TRABD2B: variants seen among roughly 807,000 people sequenced by gnomAD.
The protein encoded by TRABD2B is metalloprotease TIKI2.
TRABD2B carries 14 observed loss-of-function variants against 40.1 expected under a neutral mutation model. That is an observed-to-expected ratio of 0.35 (90% CI 0.23 to 0.55). The LOEUF is 0.55. TRABD2B is among the 20% of genes least tolerant of loss of function. The probability of loss-of-function intolerance (pLI) is 0.90; values close to 1 mark genes in which losing one functional copy is unlikely to be tolerated. For missense variants in TRABD2B, 541 were observed against 648.6 expected (o/e 0.83, Z 1.80); for synonymous variants, 263 against 277.0 (o/e 0.95, Z 0.50).
intron 2 of TRABD2B, among the ~76,000 whole-genome samples, chr1:47,919,923 G>A (rs1165731092): frequency 6.6e-6 from 1 of 152,246 alleles, no homozygotes; most frequent in Non-Finnish European, 1.5e-5. Flanking sequence ...GCTCCTGGAT[G>A]TCGCACTGAG....
At chr1:47,909,559 AAGGAGGAGGAGGAGGAGGAGGAGG>A (rs71056647) in intron 2 of TRABD2B, among the ~76,000 whole-genome samples, 2 of 117,352 alleles carry the variant, frequency 1.7e-5, no homozygotes, top group African/African-American at 3.4e-5. Flanking sequence ...AAGAAGGAAG[AAGGAGGAGGAGGAGGAGGAGGAGG>A]AGGAGGAGGA....
intron 2 of TRABD2B, among the ~76,000 whole-genome samples, chr1:47,817,095 G>T (rs1645043053): frequency 6.6e-6 from 1 of 152,160 alleles, no homozygotes. Context: ...ATGGAGGAAG[G>T]AAGTGGGAAG....
intron 2 of TRABD2B, among the ~76,000 whole-genome samples, chr1:47,967,364 C>T (rs890027827): frequency 1.4e-5 from 2 of 147,494 alleles, no homozygotes; most frequent in East Asian, 2.0e-4. Flanking sequence ...CACACACACA[C>T]ACACACACAG....
At chr1:47,775,935 CTCTGGGGCGTA>C (rs1322213321) in intron 5 of TRABD2B, among the ~76,000 whole-genome samples, 1 of 152,008 alleles carries the variant, frequency 6.6e-6, no homozygotes, top group Non-Finnish European at 1.5e-5. Flanking sequence ...CTGGGTACGT[CTCTGGGGCGTA>C]TCTGAGCTTG....
At chr1:47,781,862 C>G (rs1400296222) in intron 4 of TRABD2B, among the ~76,000 whole-genome samples, 1 of 152,216 alleles carries the variant, frequency 6.6e-6, no homozygotes, top group Non-Finnish European at 1.5e-5. Context: ...CACCCCACAG[C>G]TGGGTTGGCA....
rs190663205 is a variant in TRABD2B, at chr1:47,960,417, G to A, written c.666+33617C>T. Among the ~76,000 whole-genome samples the A allele has an allele frequency of 6.2e-3, 940 of 152,286 alleles. 10 individuals are homozygous for A. Among genetic ancestry groups the A allele is most frequent in the Non-Finnish European group, 8.3e-3 (566 of 68,028 alleles). On this transcript the variant is annotated intron_variant, in intron 2 of 6. Coordinates refer to ENST00000606738, the MANE Select transcript of TRABD2B (RefSeq NM_001194986.2). ...GGGGATTCAATTAGGAAAAGAGGAA[G>A]TCAAATTGTCCATGTTTGCAGATGA...
chr1:47,831,068 T>C (rs1334969206), intron 2 of TRABD2B, among the ~76,000 whole-genome samples: 2 of 10,866 alleles, frequency 1.8e-4, no homozygotes, highest in Non-Finnish European at 8.6e-4. Flanking sequence ...ATTCTGTCCT[T>C]GGTTGCCACG....
intron 2 of TRABD2B, among the ~76,000 whole-genome samples, chr1:47,969,667 C>T (rs1645652740): frequency 6.6e-6 from 1 of 152,132 alleles, no homozygotes; most frequent in African/African-American, 2.4e-5. Flanking sequence ...TGATCGAAGG[C>T]GTAGACACAA....
chr1:47,771,857 G>T (rs751054091), intron 6 of TRABD2B, among the ~76,000 whole-genome samples: 1 of 152,172 alleles, frequency 6.6e-6, no homozygotes, highest in Non-Finnish European at 1.5e-5. Flanking sequence ...CCGGTAATGA[G>T]GGGCAAGGGG....
Position 47,982,693 on chromosome 1 carries a change from G to A in TRABD2B, c.666+11341C>T, listed in dbSNP as rs115839320. ...ACCAAATAGCAATGGCTCTCTTAGG[G>A]GCTGGATAGGAAACAGGAAGAATAA... On this transcript the variant is annotated intron_variant, in intron 2 of 6. Transcript: ENST00000606738. 9.5e-3 allele frequency among the ~76,000 whole-genome samples: 1,451 copies of A among 152,270 alleles called. 34 individuals are homozygous for A. The highest frequency in any genetic ancestry group is 0.034 in the African/African-American group (1,395 of 41,542).
chr1:47,806,126 G>T (rs1001505144), intron 2 of TRABD2B, among the ~76,000 whole-genome samples: 1 of 152,216 alleles, frequency 6.6e-6, no homozygotes, highest in Non-Finnish European at 1.5e-5. Context: ...ACTTCAGCGC[G>T]GTATGTGCTC....
rs79548422 is a variant in TRABD2B, at chr1:47,919,608, G to C, written c.666+74426C>G. Among the ~76,000 whole-genome samples, 142 of 152,352 alleles carry C rather than the reference G, an allele frequency of 9.3e-4. 1 individual carries two copies. The Middle Eastern group carries it at 0.014, about 15-fold the overall frequency. Reference sequence around the variant, plus strand: ...TGGTCTCCCCATCTGTAAAATGAGAGGATTGGACTGGACTAGACAGTTTGT... The same window carrying C: ...TGGTCTCCCCATCTGTAAAATGAGACGATTGGACTGGACTAGACAGTTTGT... On this transcript the variant is annotated intron_variant, in intron 2 of 6. Transcript: ENST00000606738.
At chr1:47,840,240 G>A (rs1030275332) in intron 2 of TRABD2B, among the ~76,000 whole-genome samples, 1 of 152,142 alleles carries the variant, frequency 6.6e-6, no homozygotes, top group Non-Finnish European at 1.5e-5. Flanking sequence ...AACAACTGAT[G>A]GGCACTCGCT....
At chr1:47,810,156 G>A (rs1224277085) in intron 2 of TRABD2B, among the ~76,000 whole-genome samples, 10 of 53,640 alleles carry the variant, frequency 1.9e-4, no homozygotes, top group African/African-American at 6.1e-4. Context: ...GTGTGTGTGC[G>A]CGCGCGCGCG....
At position 47,775,411 on chromosome 1, in the gene TRABD2B, G is replaced by A. The variant is rs762805154; in HGVS notation, c.1108C>T (p.Pro370Ser). 32 of 1,236,092 alleles carry A rather than the reference G, an allele frequency of 2.6e-5. No homozygotes were observed. The African/African-American group carries it at 5.0e-4, about 19-fold the overall frequency. 76.6% of individuals were successfully genotyped at this position (1,236,092 alleles called of 1,614,324 possible). A position where few individuals can be genotyped will look rare whatever the true frequency, so the allele number is the denominator to read the frequency against. ...GCCGGGCTCGTCGAGGTCCCCTCAGGAGAGGGCGCTGGGCTCTGGGGGGCA... is the reference window on the plus strand; with the variant it reads ...GCCGGGCTCGTCGAGGTCCCCTCAGAAGAGGGCGCTGGGCTCTGGGGGGCA... ...SPAPQSPAPS[P>S]EGTSTSPAPV... Residue 370 changes from proline (P) to serine (S), a missense_variant, in exon 6 of 7, where the codon CCT becomes TCT. By Grantham distance (74) the Pro-to-Ser change is moderately conservative. Around this residue, in one of 2 missense-constraint regions of TRABD2B, gnomAD observed 172 missense variants for 155.8 expected, o/e 1.10. Coordinates refer to ENST00000606738, the MANE Select transcript of TRABD2B (RefSeq NM_001194986.2).
intron 2 of TRABD2B, among the ~76,000 whole-genome samples, chr1:47,932,648 C>A (rs1645054691): frequency 6.6e-6 from 1 of 152,106 alleles, no homozygotes. Context: ...ATTAAGGAAG[C>A]AAGTGAACAA....
chr1:47,909,767 T>TTCCCTTCCCC (rs1644733298), intron 2 of TRABD2B, among the ~76,000 whole-genome samples: 1 of 49,788 alleles, frequency 2.0e-5, no homozygotes, highest in Non-Finnish European at 3.6e-5. Flanking sequence ...CCTCCCTCCC[T>TTCCCTTCCCC]TCCCCTCCCC....
At position 47,794,772 on chromosome 1, in the gene TRABD2B, A is replaced by G; in HGVS notation, c.814-12T>C. The G allele has an allele frequency of 6.8e-7, 1 of 1,475,892 alleles. No individual in the cohort carries two copies. The highest frequency in any genetic ancestry group is 8.9e-7 in the Non-Finnish European group (1 of 1,120,100). The allele number at this position is 1,475,892 out of a possible 1,614,324, so 91.4% of individuals were successfully genotyped here. A position where few individuals can be genotyped will look rare whatever the true frequency, so the allele number is the denominator to read the frequency against. ...ATAAAGTTGGGCAGCTGCAAAGGCA[A>G]GACAGAGGCTGCCTTCAGTTTTTTT... On this transcript the variant is annotated splice_polypyrimidine_tract_variant and intron_variant, in intron 3 of 6. Coordinates refer to ENST00000606738, the MANE Select transcript of TRABD2B (RefSeq NM_001194986.2).
intron 2 of TRABD2B, among the ~76,000 whole-genome samples, chr1:47,957,454 T>A (rs984926875): frequency 1.3e-5 from 2 of 152,036 alleles, no homozygotes; most frequent in African/African-American, 4.8e-5. Context: ...ACAAAAAAGC[T>A]AAAAACCTTG....
Sources: gnomAD v4.1 joint callset for allele counts (sites outside exome capture counted in the v4.1 genomes callset) on GRCh38, gnomAD v4.1.1 for gene constraint, gnomAD v4.1.1 regional missense constraint, MANE v1.5 for transcripts, NCBI Gene and HGNC (gene_info 2026-07-23, HGNC 2026-07-21) for gene names.